SCFD1: variants seen among roughly 807,000 people sequenced by gnomAD.
SCFD1 encodes the protein sec1 family domain-containing protein 1.
A neutral mutation model predicts 103.2 loss-of-function variants in SCFD1; 37 were observed. The observed-to-expected ratio is 0.36, with a 90% CI of 0.28 to 0.47. SCFD1 has a LOEUF of 0.47. SCFD1 is among the 20% of genes least tolerant of loss of function. The pLI, the probability that SCFD1 is intolerant of heterozygous loss-of-function variation, is 1.00. For synonymous variants in SCFD1, 264 were observed against 245.0 expected (o/e 1.08, Z -0.73); for missense variants, 639 against 761.2 (o/e 0.84, Z 1.89).
chr14:30,710,414 C>T (rs1043854152), intron 19 of SCFD1, among the ~76,000 whole-genome samples: 2 of 146,840 alleles, frequency 1.4e-5, no homozygotes, highest in African/African-American at 5.0e-5. Context: ...TTTATATTAT[C>T]ATCAAGTAAA....
intron 2 of SCFD1, among the ~76,000 whole-genome samples, chr14:30,630,241 T>C (rs1883964604): frequency 6.6e-6 from 1 of 152,212 alleles, no homozygotes; most frequent in Admixed American, 6.5e-5. Flanking sequence ...AAATATTAAA[T>C]TGAGGCAAGG....
intron 23 of SCFD1, 53 bp downstream of exon 23, chr14:30,722,612 A>G: frequency 2.7e-6 from 3 of 1,095,950 alleles, no homozygotes; most frequent in Non-Finnish European, 4.1e-6. Flanking sequence ...CATAGGTAGA[A>G]CACTAGCATA....
At chr14:30,725,645 G>A (rs978927169) in intron 23 of SCFD1, among the ~76,000 whole-genome samples, 3 of 152,116 alleles carry the variant, frequency 2.0e-5, no homozygotes, top group African/African-American at 4.8e-5. Flanking sequence ...GAGACAGTTT[G>A]ACTTCCTGTC....
At chr14:30,707,856 T>C in intron 18 of SCFD1, 134 bp from the exon 19 acceptor site, 1 of 753,762 alleles carries the variant, frequency 1.3e-6, no homozygotes, top group African/African-American at 1.7e-5. Flanking sequence ...AAGACCCTTC[T>C]GTTTAGTGAA....
intron 7 of SCFD1, among the ~76,000 whole-genome samples, chr14:30,646,148 G>A (rs922695908): frequency 3.3e-5 from 5 of 151,892 alleles, no homozygotes; most frequent in Non-Finnish European, 7.4e-5. Flanking sequence ...TCAGCCTCCC[G>A]AGTAGCTGGG....
intron 5 of SCFD1, among the ~76,000 whole-genome samples, chr14:30,638,634 A>AT (rs1277558360): frequency 6.6e-6 from 1 of 151,864 alleles, no homozygotes; most frequent in Admixed American, 6.6e-5. Context: ...ATTTCCAGAT[A>AT]TTTTTTTTAC....
intron 4 of SCFD1, among the ~76,000 whole-genome samples, chr14:30,637,541 A>G (rs889026266): frequency 3.9e-5 from 6 of 152,132 alleles, no homozygotes; most frequent in Non-Finnish European, 7.4e-5. Context: ...TGTTACATAA[A>G]ATGATGGTTC....
chr14:30,692,801 CA>C (rs1371452586), intron 14 of SCFD1, among the ~76,000 whole-genome samples: 4 of 152,090 alleles, frequency 2.6e-5, no homozygotes, highest in Admixed American at 2.6e-4. Flanking sequence ...CAGCTTTTCC[CA>C]AGCTAATATT....
At chr14:30,679,153 C>T (rs192168405) in intron 14 of SCFD1, among the ~76,000 whole-genome samples, 32 of 152,252 alleles carry the variant, frequency 2.1e-4, no homozygotes, top group African/African-American at 7.5e-4. Context: ...CCACAGTGGC[C>T]AGTAGCCACA....
At chr14:30,673,132 A>G (rs1268473676) in intron 11 of SCFD1, 125 bp from the exon 12 acceptor site, 4 of 455,170 alleles carry the variant, frequency 8.8e-6, no homozygotes, top group Non-Finnish European at 1.2e-5. Flanking sequence ...TGTTATATAT[A>G]ACATATATTC....
intron 12 of SCFD1, among the ~76,000 whole-genome samples, 182 bp from the exon 13 acceptor site, chr14:30,673,742 T>G (rs768952949): frequency 1.1e-4 from 17 of 152,300 alleles, no homozygotes; most frequent in Non-Finnish European, 1.6e-4. Context: ...CTAGAACTTT[T>G]ATGTAACATT....
At chr14:30,649,744 TA>T (rs1184150042) in intron 8 of SCFD1, among the ~76,000 whole-genome samples, 161 bp downstream of exon 8, 5 of 152,204 alleles carry the variant, frequency 3.3e-5, no homozygotes, top group Non-Finnish European at 5.9e-5. Flanking sequence ...GCACCGAAGA[TA>T]AAAAGTAATC....
intron 9 of SCFD1, among the ~76,000 whole-genome samples, chr14:30,651,304 C>G (rs1032024191): frequency 3.3e-5 from 5 of 151,936 alleles, no homozygotes; most frequent in African/African-American, 9.7e-5. Flanking sequence ...AAACAGATGC[C>G]CAGAGAAATA....
intron 10 of SCFD1, among the ~76,000 whole-genome samples, chr14:30,662,646 G>C (rs918316479): frequency 6.6e-6 from 1 of 152,208 alleles, no homozygotes; most frequent in Non-Finnish European, 1.5e-5. Context: ...ATAGCATTTA[G>C]AGTTGAGATA....
At position 30,658,673 on chromosome 14, in the gene SCFD1, G is replaced by A. The variant is rs867039674; in HGVS notation, c.855+5085G>A. ...CTCCCAAAGTGCTGGGATTACAGGC[G>A]TGAGCTAACGCACCTAGCTAAGATT... On this transcript the variant is annotated intron_variant, in intron 10 of 24. Coordinates refer to ENST00000458591, the MANE Select transcript of SCFD1 (RefSeq NM_016106.4). Among the ~76,000 whole-genome samples, 18 of 152,266 alleles carry A rather than the reference G, an allele frequency of 1.2e-4. No individual in the cohort carries two copies. The South Asian group carries it at 1.2e-3, about 11-fold the overall frequency.
chr14:30,683,081 T>G (rs1889620131), intron 14 of SCFD1: 1 of 1,359,448 alleles, frequency 7.4e-7, no homozygotes, highest in East Asian at 2.3e-5. Context: ...TTGAGTAGGT[T>G]TCTTGCAGAT....
chr14:30,707,888 G>A (rs772772928), intron 18 of SCFD1, 102 bp from the exon 19 acceptor site: 51 of 834,838 alleles, frequency 6.1e-5, no homozygotes, highest in Middle Eastern at 2.2e-4. Context: ...TAGGTACAGC[G>A]AGCATCAGCA....
intron 3 of SCFD1, among the ~76,000 whole-genome samples, chr14:30,632,660 C>G (rs539027024): frequency 9.2e-5 from 14 of 152,098 alleles, no homozygotes; most frequent in Non-Finnish European, 1.8e-4. Flanking sequence ...TGTCTCTGTA[C>G]TAAGTGTTTA....
chr14:30,710,739 A>C (rs1484398804), intron 19 of SCFD1, among the ~76,000 whole-genome samples: 1 of 152,198 alleles, frequency 6.6e-6, no homozygotes, highest in African/African-American at 2.4e-5. Flanking sequence ...ATATTCTAAA[A>C]TTTAGAGGTA....
Sources: allele counts gnomAD v4.1 joint callset (sites outside exome capture counted in the v4.1 genomes callset), GRCh38; gene constraint gnomAD v4.1.1; transcripts MANE v1.5; gene names NCBI Gene and HGNC (gene_info 2026-07-23, HGNC 2026-07-21).